Variants in ZFHX3 observed in about 807,000 individuals in gnomAD.
The protein encoded by ZFHX3 is zinc finger homeobox 3, also known as zinc finger homeobox protein 3.
Under a neutral mutation model 279.1 loss-of-function variants are expected in ZFHX3, and 42 were observed. The observed-to-expected ratio is 0.15, with a 90% CI of 0.12 to 0.19. The LOEUF is 0.19. Ranked by LOEUF, ZFHX3 falls within the 10% of genes least tolerant of loss-of-function variation. The probability of loss-of-function intolerance (pLI) is 1.00; values close to 1 mark genes in which losing one functional copy is unlikely to be tolerated. For synonymous variants in ZFHX3, 2,293 were observed against 1,957.8 expected, an observed-to-expected ratio of 1.17 and a Z score of -4.52; for missense variants, 4,981 against 4,754.0, an observed-to-expected ratio of 1.05 and a Z score of -1.40.
chr16:73,019,022 G>C (rs1268878549), intron 1 of ZFHX3, among the ~76,000 whole-genome samples: 1 of 152,162 alleles, frequency 6.6e-6, no homozygotes, highest in Non-Finnish European at 1.5e-5. Context: ...ATCCCTCGAT[G>C]CATCATTCCC....
chr16:73,196,150 G>GTT (rs11357649), intron 5 of ZFHX3, among the ~76,000 whole-genome samples: 2,669 of 104,796 alleles, frequency 0.025, 122 homozygotes, highest in African/African-American at 0.079. Flanking sequence ...TCTTGAAATA[G>GTT]TTTTTTTTTT....
At chr16:73,224,304 C>T (rs1384849025) in intron 5 of ZFHX3, among the ~76,000 whole-genome samples, 2 of 152,176 alleles carry the variant, frequency 1.3e-5, no homozygotes, top group Non-Finnish European at 2.9e-5. Context: ...AACTCTTTGT[C>T]CTGCTTCTCA....
Position 72,794,170 on chromosome 16 carries a change from C to T in ZFHX3, c.8512G>A (p.Val2838Ile), listed in dbSNP as rs1203012354. The T allele has an allele frequency of 3.7e-6, 6 of 1,614,072 alleles. No individual in the cohort carries two copies. Among genetic ancestry groups the T allele is most frequent in the African/African-American group, 1.3e-5 (1 of 74,924 alleles). Residue 2838 changes from valine (V) to isoleucine (I), a missense_variant, in exon 9 of 10, where the codon GTC becomes ATC. By Grantham distance (29) the Val-to-Ile change is conservative (BLOSUM62 3). Transcript: ENST00000268489. The surrounding 1 kb of genome is among the most constrained non-coding windows in gnomAD (Gnocchi z 4.2). The stretch of plus-strand genomic sequence containing the variant: ...GTGGTATCTGTGATTGCTGTGTTGA[C>T]AGAGGAACAGTCATCGTTGTCCAGC... The part of the protein sequence containing the change: ...TKLDNDDCSS[V>I]NTAITDTTTG...
chr16:72,787,871 TG>T lies in ZFHX3; in HGVS notation c.10404del (p.Lys3469SerfsTer16). The T allele has an allele frequency of 6.2e-7, 1 of 1,613,888 alleles. No homozygotes were observed. The highest frequency in any genetic ancestry group is 8.5e-7 in the Non-Finnish European group (1 of 1,179,978). On this transcript the variant is annotated frameshift_variant, in exon 10 of 10. Transcript: ENST00000268489. LOFTEE classifies it high-confidence loss of function. ...VPKVQYKLVC[R>X]KCQAGFSDEE... ...TCGTCGCTGAAGCCCGCCTGGCACTTGCGGCAGACCAACTTGTACTGCACCT... is the reference window on the plus strand; with the variant it reads ...TCGTCGCTGAAGCCCGCCTGGCACTTCGGCAGACCAACTTGTACTGCACCT...
chr16:72,932,314 C>T (rs1028884385), intron 3 of ZFHX3, among the ~76,000 whole-genome samples: 10 of 152,246 alleles, frequency 6.6e-5, no homozygotes, highest in African/African-American at 2.2e-4. Flanking sequence ...CTTCTCACAA[C>T]GGATGATGTC....
intron 1 of ZFHX3, among the ~76,000 whole-genome samples, chr16:72,977,808 A>C (rs899605793): frequency 3.9e-5 from 6 of 152,294 alleles, no homozygotes; most frequent in South Asian, 2.1e-4. Flanking sequence ...GAGAGATGGA[A>C]TTCAGGGGAA....
intron 2 of ZFHX3, among the ~76,000 whole-genome samples, chr16:73,494,792 T>C (rs2019112334): frequency 1.3e-5 from 2 of 151,880 alleles, no homozygotes; most frequent in African/African-American, 2.4e-5. Context: ...GGTCTCGAAC[T>C]CCCAACCTCA....
intron 2 of ZFHX3, among the ~76,000 whole-genome samples, chr16:73,535,957 C>T (rs1243051613): frequency 6.6e-6 from 1 of 151,990 alleles, no homozygotes; most frequent in Non-Finnish European, 1.5e-5. Flanking sequence ...CTCCTGACCT[C>T]AGGATCCGCC....
At chr16:73,864,529 G>A (rs892261798) in intron 1 of ZFHX3, among the ~76,000 whole-genome samples, 26 of 152,302 alleles carry the variant, frequency 1.7e-4, no homozygotes, top group Admixed American at 1.6e-3. Context: ...GACCAGCCTG[G>A]ACAACATGGT....
intron 3 of ZFHX3, among the ~76,000 whole-genome samples, chr16:72,941,403 T>G (rs76145829): frequency 0.13 from 20,081 of 152,180 alleles, 1,908 homozygotes; most frequent in African/African-American, 0.26. Flanking sequence ...CTCTTTACAC[T>G]TCTATAGAGC....
intron 1 of ZFHX3, among the ~76,000 whole-genome samples, chr16:73,854,814 T>G (rs1961682203): frequency 6.7e-6 from 1 of 150,174 alleles, no homozygotes; most frequent in African/African-American, 2.5e-5. Flanking sequence ...GTCTAGGACA[T>G]GAAACACTTA....
chr16:73,353,741 C>T (rs1238930421), intron 3 of ZFHX3, among the ~76,000 whole-genome samples: 6 of 151,728 alleles, frequency 4.0e-5, no homozygotes, highest in Admixed American at 3.9e-4. Flanking sequence ...TGAAAGGAAG[C>T]AGGAGAAAAA....
At chr16:73,026,197 A>C (rs1234982879) in intron 1 of ZFHX3, among the ~76,000 whole-genome samples, 214 of 41,230 alleles carry the variant, frequency 5.2e-3, no homozygotes, top group African/African-American at 0.031. Flanking sequence ...AAATACAAAA[A>C]AAAAAAAAAA....
intron 1 of ZFHX3, among the ~76,000 whole-genome samples, chr16:73,032,064 G>A (rs1964723939): frequency 6.6e-6 from 1 of 152,204 alleles, no homozygotes; most frequent in South Asian, 2.1e-4. Flanking sequence ...AAATAGGCTG[G>A]GCGCAGTGGC....
intron 4 of ZFHX3, among the ~76,000 whole-genome samples, chr16:73,272,623 C>G (rs1204646861): frequency 6.6e-6 from 1 of 152,142 alleles, no homozygotes; most frequent in Non-Finnish European, 1.5e-5. Flanking sequence ...GCGTTATTCC[C>G]AACAGTGAGG....
intron 2 of ZFHX3, among the ~76,000 whole-genome samples, chr16:73,498,721 C>T (rs559424768): frequency 4.6e-5 from 7 of 152,216 alleles, no homozygotes; most frequent in African/African-American, 7.2e-5. Context: ...AGTTGAATTA[C>T]GGTGCAGACA....
Position 73,112,715 on chromosome 16 carries a change from C to CAAAA in ZFHX3, c.-897+18249_-897+18252dup, listed in dbSNP as rs56149570. Among the ~76,000 whole-genome samples the CAAAA allele has an allele frequency of 3.0e-4, 9 of 30,262 alleles. 2 individuals carry two copies. Among genetic ancestry groups the CAAAA allele is most frequent in the East Asian group, 3.0e-3 (2 of 660 alleles). 19.9% of individuals were successfully genotyped at this position (30,262 alleles called of 152,430 possible). A position where few individuals can be genotyped will look rare whatever the true frequency, so the allele number is the denominator to read the frequency against. On this transcript the variant is annotated intron_variant, in intron 7 of 17. Coordinates refer to the ZFHX3 transcript ENST00000641206. The stretch of plus-strand genomic sequence containing the variant: ...TGGGCGACGGCGTGAGACTCCATCT[C>CAAAA]AAAAAAAAAAAAAAAAAAAAAAAAA...
chr16:72,865,552 A>G (rs1003809179), intron 4 of ZFHX3, among the ~76,000 whole-genome samples: 16 of 152,260 alleles, frequency 1.1e-4, no homozygotes, highest in African/African-American at 3.9e-4. Flanking sequence ...ACCCAAGGGC[A>G]CACTGACAAG....
chr16:73,873,955 G>A (rs1013216061), intron 1 of ZFHX3, among the ~76,000 whole-genome samples: 2 of 151,692 alleles, frequency 1.3e-5, no homozygotes, highest in Non-Finnish European at 2.9e-5. Flanking sequence ...ACAACAGTCA[G>A]GAGAGGAAAA....
Sources: allele counts gnomAD v4.1 joint callset (sites outside exome capture counted in the v4.1 genomes callset), GRCh38; gene constraint gnomAD v4.1.1; non-coding constraint Gnocchi (gnomAD v3.1); transcripts MANE v1.5; gene names NCBI Gene and HGNC (gene_info 2026-07-23, HGNC 2026-07-21).